CDC16: variants seen among roughly 807,000 people sequenced by gnomAD.
The protein encoded by CDC16 is cell division cycle 16, also known as cell division cycle protein 16 homolog.
Under a neutral mutation model 87.0 loss-of-function variants are expected in CDC16, and 34 were observed. The observed-to-expected ratio is 0.39, with a 90% CI of 0.30 to 0.52. The LOEUF (loss-of-function observed/expected upper bound fraction) is 0.52. CDC16 is among the 20% of genes least tolerant of loss of function. The pLI is 0.74. For missense variants in CDC16, 653 were observed against 751.9 expected (o/e 0.87, Z 1.54); for synonymous variants, 263 against 260.6 (o/e 1.01, Z -0.09).
intron 11 of CDC16, among the ~76,000 whole-genome samples, chr13:114,248,605 C>T (rs554394980): frequency 6.6e-6 from 1 of 151,800 alleles, no homozygotes; most frequent in African/African-American, 2.4e-5. Flanking sequence ...TGTTTGAGTC[C>T]AGGAGGTGGA....
At chr13:114,256,050 A>G (rs1594632375) in intron 12 of CDC16, among the ~76,000 whole-genome samples, 1 of 152,214 alleles carries the variant, frequency 6.6e-6, no homozygotes, top group Admixed American at 6.5e-5. Context: ...GGCTGTTGTT[A>G]TGAGACTGCT....
chr13:114,240,018 A>AAT (rs2081465720), intron 5 of CDC16, among the ~76,000 whole-genome samples: 1 of 151,954 alleles, frequency 6.6e-6, no homozygotes, highest in African/African-American at 2.4e-5. Context: ...ATTTAAAAAA[A>AAT]AAAATAAAAA....
At chr13:114,249,878 A>G (rs1322493452) in intron 11 of CDC16, among the ~76,000 whole-genome samples, 1 of 152,202 alleles carries the variant, frequency 6.6e-6, no homozygotes, top group Non-Finnish European at 1.5e-5. Flanking sequence ...GATCTCCTCA[A>G]ATTTCTTAAA....
At chr13:114,271,429 G>A (rs1012714696) in intron 17 of CDC16, among the ~76,000 whole-genome samples, 1 of 152,054 alleles carries the variant, frequency 6.6e-6, no homozygotes. Context: ...TTATTTCATC[G>A]TGGCTTTTTT....
chr13:114,255,285 C>T (rs188889808), intron 12 of CDC16, among the ~76,000 whole-genome samples: 5 of 152,046 alleles, frequency 3.3e-5, no homozygotes, highest in Admixed American at 2.6e-4. Context: ...TTATATTAAC[C>T]CTGTTATTTA....
intron 17 of CDC16, among the ~76,000 whole-genome samples, chr13:114,271,440 A>G (rs1472188982): frequency 6.6e-6 from 1 of 151,886 alleles, no homozygotes; most frequent in Non-Finnish European, 1.5e-5. Flanking sequence ...TGGCTTTTTT[A>G]TGCATAAGAT....
At chr13:114,263,145 T>C in intron 16 of CDC16, 131 bp downstream of exon 16, 1 of 756,910 alleles carries the variant, frequency 1.3e-6, no homozygotes, top group Non-Finnish European at 2.2e-6. Flanking sequence ...TGTTATTCTT[T>C]TCTTTGCAGA....
At position 114,236,785 on chromosome 13, in the gene CDC16, A is replaced by G. The variant is rs2081273243; in HGVS notation, c.104-14A>G. 1.9e-6 allele frequency: 3 copies of G among 1,613,032 alleles called. No individual in the cohort carries two copies. Among genetic ancestry groups the G allele is most frequent in the South Asian group, 2.2e-5 (2 of 91,050 alleles). On this transcript the variant is annotated splice_polypyrimidine_tract_variant and intron_variant, in intron 2 of 17. Transcript: ENST00000356221. Reference sequence around the variant, plus strand: ...CTTGTACCTCTGACCACTTATGTGAATTTTTCCCTCCAGAAGAACCCCAGG... The same window carrying G: ...CTTGTACCTCTGACCACTTATGTGAGTTTTTCCCTCCAGAAGAACCCCAGG...
rs548856428 is a variant in CDC16 at position 114,258,097 on chromosome 13, T to C, written c.1250+867T>C. ...TCCACGCTCGGCTGTAAATTAGTAT[T>C]AATACTACTACAGTGTCATTTATGG... On this transcript the variant is annotated intron_variant, in intron 13 of 17. Coordinates refer to ENST00000356221, the MANE Select transcript of CDC16 (RefSeq NM_001078645.3). 1.7e-3 allele frequency among the ~76,000 whole-genome samples: 253 copies of C among 152,362 alleles called. 1 individual carries two copies. Among genetic ancestry groups the C allele is most frequent in the Middle Eastern group, 0.01 (3 of 294 alleles).
rs1401823370 is a variant in CDC16, at chr13:114,243,363, A to T, written c.633+15A>T. 11 of 1,248,174 alleles carry T rather than the reference A, an allele frequency of 8.8e-6. No individual in the cohort carries two copies. The highest frequency in any genetic ancestry group is 1.5e-5 in the African/African-American group (1 of 67,784). 77.3% of individuals were successfully genotyped at this position (1,248,174 alleles called of 1,614,324 possible). On this transcript the variant is annotated intron_variant, in intron 7 of 17. Coordinates refer to ENST00000356221, the MANE Select transcript of CDC16 (RefSeq NM_001078645.3). The stretch of plus-strand genomic sequence containing the variant: ...AATTGAAAAAAGTAAGTAAAACCAA[A>T]GAGTTAGCACTTGCTTTATGTAAAT...
intron 11 of CDC16, among the ~76,000 whole-genome samples, chr13:114,248,639 C>T (rs2081991010): frequency 6.6e-6 from 1 of 151,882 alleles, no homozygotes; most frequent in African/African-American, 2.4e-5. Flanking sequence ...TGAGATTGCA[C>T]TACTGCACTC....
intron 5 of CDC16, among the ~76,000 whole-genome samples, chr13:114,240,910 C>T (rs998514027): frequency 7.2e-5 from 11 of 152,040 alleles, no homozygotes; most frequent in South Asian, 6.2e-4. Flanking sequence ...TTATTTGCAA[C>T]GCATTATTAT....
chr13:114,270,827 T>C (rs1396869487), intron 17 of CDC16, among the ~76,000 whole-genome samples: 1 of 150,646 alleles, frequency 6.6e-6, no homozygotes, highest in East Asian at 2.0e-4. Flanking sequence ...TGTTCAAGGG[T>C]GGGAAGTTCA....
At position 114,250,630 on chromosome 13, in the gene CDC16, C is replaced by T; in HGVS notation, c.1053C>T (p.Asp351=). The change falls in exon 12 of 18, where the codon GAC becomes GAT. Residue 351 remains aspartate, a synonymous_variant. Transcript: ENST00000356221. ...CATTTGCGGTGGAGAGTGAGCACGA[C>T]CAAGCGATGGCTGCTTACTTCACAG... The part of the protein sequence containing the change: ...GHSFAVESEH[D]QAMAAYFTAA... The T allele has an allele frequency of 6.2e-7, 1 of 1,614,086 alleles. No homozygotes were observed. Among genetic ancestry groups the T allele is most frequent in the Non-Finnish European group, 8.5e-7 (1 of 1,179,994 alleles).
At chr13:114,271,381 A>C (rs1316470672) in intron 17 of CDC16, among the ~76,000 whole-genome samples, 1 of 152,206 alleles carries the variant, frequency 6.6e-6, no homozygotes, top group Non-Finnish European at 1.5e-5. Context: ...GTTCAAATCT[A>C]TATTACCCTT....
At chr13:114,241,159 T>C (rs1194673561) in intron 5 of CDC16, among the ~76,000 whole-genome samples, 1 of 152,228 alleles carries the variant, frequency 6.6e-6, no homozygotes, top group Non-Finnish European at 1.5e-5. Flanking sequence ...GAGATGGCTG[T>C]TGAACGCCTT....
At chr13:114,261,374 A>G (rs1304154155) in intron 14 of CDC16, among the ~76,000 whole-genome samples, 1 of 151,954 alleles carries the variant, frequency 6.6e-6, no homozygotes, top group African/African-American at 2.4e-5. Context: ...GGTGAGGACT[A>G]AATAGGTTGG....
intron 17 of CDC16, among the ~76,000 whole-genome samples, chr13:114,267,739 A>ATC (rs1266714480): frequency 6.8e-6 from 1 of 146,366 alleles, no homozygotes; most frequent in Non-Finnish European, 1.5e-5. Flanking sequence ...AATACTAGGA[A>ATC]TAAAAGAGGG....
At chr13:114,258,149 A>G (rs1478992562) in intron 13 of CDC16, among the ~76,000 whole-genome samples, 2 of 152,230 alleles carry the variant, frequency 1.3e-5, no homozygotes, top group African/African-American at 2.4e-5. Flanking sequence ...AAAATGGGTT[A>G]TCTAGGTATT....
Sources: gnomAD v4.1 joint callset for allele counts (sites outside exome capture counted in the v4.1 genomes callset) on GRCh38, gnomAD v4.1.1 for gene constraint, MANE v1.5 for transcripts, NCBI Gene and HGNC (gene_info 2026-07-23, HGNC 2026-07-21) for gene names.